The following ASS1 variants were observed in gnomAD, a reference collection of about 807,000 sequenced individuals.
The protein encoded by ASS1 is argininosuccinate synthase 1.
Under a neutral mutation model 60.5 loss-of-function variants are expected in ASS1, and 58 were observed. The ratio of observed to expected loss-of-function variants is 0.96; its 90% CI spans 0.78 to 1.19. The LOEUF (loss-of-function observed/expected upper bound fraction) is 1.19. Among genes scored for constraint, ASS1 ranks in the 50% most tolerant of loss-of-function variants. The probability of loss-of-function intolerance (pLI) is 0.00; values close to 1 mark genes in which losing one functional copy is unlikely to be tolerated. For synonymous variants in ASS1, 200 were observed against 206.9 expected (o/e 0.97, Z 0.29); for missense variants, 454 against 547.3 (o/e 0.83, Z 1.70).
chr9:130,478,987 C>T lies in ASS1; in HGVS notation c.689-729C>T, dbSNP rs758239568. 2.0e-5 allele frequency among the ~76,000 whole-genome samples: 3 copies of T among 152,146 alleles called. No homozygotes were observed. Among genetic ancestry groups the T allele is most frequent in the Non-Finnish European group, 4.4e-5 (3 of 68,026 alleles). ...GGGATTAGCCGCCAACTTTGAACAGCTTTTCTTTGTCACTGTTTCAGCTCT... is the reference window on the plus strand; with the variant it reads ...GGGATTAGCCGCCAACTTTGAACAGTTTTTCTTTGTCACTGTTTCAGCTCT... On this transcript the variant is annotated intron_variant, in intron 9 of 14. Coordinates refer to ENST00000352480, the MANE Select transcript of ASS1 (RefSeq NM_054012.4). This position sits in a 1 kb window ranked among gnomAD's most constrained non-coding sequence, Gnocchi z 4.7.
rs1846403028 is a variant in ASS1, at chr9:130,489,766, C to G, written c.970+302C>G. ...TACAGTTTGCATGACTGCAGCAATG[C>G]CAGGCACTGGGCACTGTGCGGCGAC... On this transcript the variant is annotated intron_variant, in intron 12 of 14. Transcript: ENST00000352480. This position sits in a 1 kb window ranked among gnomAD's most constrained non-coding sequence, Gnocchi z 4.1. Among the ~76,000 whole-genome samples, 1 of 152,222 alleles carries G rather than the reference C, an allele frequency of 6.6e-6. No homozygotes were observed. Among genetic ancestry groups the G allele is most frequent in the Admixed American group, 6.5e-5 (1 of 15,284 alleles).
rs1164096132 is a variant in ASS1 at position 130,489,556 on chromosome 9, T to A, written c.970+92T>A. On this transcript the variant is annotated intron_variant, in intron 12 of 14. Transcript: ENST00000352480. The surrounding 1 kb of genome is among the most constrained non-coding windows in gnomAD (Gnocchi z 4.1). ...CTCGGGCCTGGCCCTCCCCTCCGTA[T>A]CAGCACCTTCCTCCCCTGCCGCCCA... 6 of 1,589,832 alleles carry A rather than the reference T, an allele frequency of 3.8e-6. No homozygotes were observed. The highest frequency in any genetic ancestry group is 5.2e-6 in the Non-Finnish European group (6 of 1,162,392).
At chr9:130,469,290 A>C (rs951500079) in intron 6 of ASS1, among the ~76,000 whole-genome samples, 26 of 151,918 alleles carry the variant, frequency 1.7e-4, no homozygotes, top group African/African-American at 5.8e-4. Context: ...TCTAGAGTAG[A>C]TCGTGGGCTG....
At chr9:130,467,065 TCA>T in intron 6 of ASS1, among the ~76,000 whole-genome samples, 1 of 152,104 alleles carries the variant, frequency 6.6e-6, no homozygotes, top group East Asian at 1.9e-4. Flanking sequence ...GACACAGGGC[TCA>T]CTCTCTCTCC....
At chr9:130,458,210 C>T (rs1260349064) in intron 3 of ASS1, among the ~76,000 whole-genome samples, 191 bp from the exon 4 acceptor site, 1 of 151,306 alleles carries the variant, frequency 6.6e-6, no homozygotes, top group African/African-American at 2.4e-5. Context: ...GCCATGAGTG[C>T]AGGAGGGAGA....
chr9:130,448,527 G>A (rs1469269640), intron 1 of ASS1, among the ~76,000 whole-genome samples: 2 of 152,060 alleles, frequency 1.3e-5, no homozygotes, highest in African/African-American at 4.8e-5. Flanking sequence ...GCCCACACCT[G>A]CCCAGCTACA....
In ASS1 at chr9:130,489,424, A is replaced by G. The variant is rs200219927; in HGVS notation, c.930A>G (p.Lys310=). 57 of 1,614,046 alleles carry G rather than the reference A, an allele frequency of 3.5e-5. No homozygotes were observed. The highest frequency in any genetic ancestry group is 4.2e-5 in the Non-Finnish European group (49 of 1,180,014). The change falls in exon 12 of 15, where the codon AAA becomes AAG. Residue 310 remains lysine (K), a synonymous_variant. Coordinates refer to ENST00000352480, the MANE Select transcript of ASS1 (RefSeq NM_054012.4). This position sits in a 1 kb window ranked among gnomAD's most constrained non-coding sequence, Gnocchi z 4.1. ...FTMDREVRKI[K]QGLGLKFAEL... ...TGGACCGGGAAGTGCGCAAAATCAA[A>G]CAAGGCCTGGGCTTGAAATTTGCTG... is the stretch of plus-strand genomic sequence containing the variant.
At position 130,476,228 on chromosome 9, in the gene ASS1, C is replaced by T. The variant is rs2118829663; in HGVS notation, c.598-643C>T. ...AGCCACGGCCTGGGGGAGCTGGGGC[C>T]TCCGAAGGTGGGAGGGAATTTCGAG... On this transcript the variant is annotated intron_variant, in intron 8 of 14. Transcript: ENST00000352480. This position sits in a 1 kb window ranked among gnomAD's most constrained non-coding sequence, Gnocchi z 4.9. 6.5e-6 allele frequency: 1 copy of T among 154,190 alleles called. No individual in the cohort carries two copies. The highest frequency in any genetic ancestry group is 2.0e-4 in the South Asian group (1 of 4,922). The allele number at this position is 154,190 out of a possible 1,614,324, so 9.6% of individuals were successfully genotyped here.
At chr9:130,499,097 C>A (rs966885306) in intron 13 of ASS1, among the ~76,000 whole-genome samples, 8 of 152,208 alleles carry the variant, frequency 5.3e-5, no homozygotes, top group African/African-American at 1.9e-4. Context: ...ATTCACACCC[C>A]AAGGCCTCCT....
chr9:130,455,017 T>TCATC lies in ASS1; in HGVS notation c.174+657_174+660dup, dbSNP rs1191656054. Among the ~76,000 whole-genome samples, 164 of 129,100 alleles carry TCATC rather than the reference T, an allele frequency of 1.3e-3. 1 individual carries two copies. The highest frequency in any genetic ancestry group is 2.5e-4 in the Non-Finnish European group (15 of 60,798). 84.7% of individuals were successfully genotyped at this position (129,100 alleles called of 152,430 possible). On this transcript the variant is annotated intron_variant, in intron 3 of 14. Coordinates refer to ENST00000352480, the MANE Select transcript of ASS1 (RefSeq NM_054012.4). ...CATCATCCATCCATCCATTCACCCA[T>TCATC]CATCCATCCATCCATCATCCATCCA... is the stretch of plus-strand genomic sequence containing the variant.
chr9:130,461,394 G>C (rs1845590137), intron 4 of ASS1, among the ~76,000 whole-genome samples: 1 of 152,142 alleles, frequency 6.6e-6, no homozygotes, highest in Admixed American at 6.5e-5. Flanking sequence ...CGACAAAGGC[G>C]GGAGGAGGTG....
Position 130,476,997 on chromosome 9 carries a change from A to T in ASS1, c.688+36A>T, listed in dbSNP as rs1036591318. On this transcript the variant is annotated intron_variant, in intron 9 of 14. Transcript: ENST00000352480. The surrounding 1 kb of genome is among the most constrained non-coding windows in gnomAD (Gnocchi z 4.9). The stretch of plus-strand genomic sequence containing the variant: ...ACCTGTTGGGACTCGAAGGGGGTTG[A>T]CTTTTGGGGCCCTGGCTCCTTTCCC... 6.3e-7 allele frequency: 1 copy of T among 1,592,250 alleles called. No homozygotes were observed. The highest frequency in any genetic ancestry group is 1.3e-5 in the African/African-American group (1 of 74,342).
At position 130,474,508 on chromosome 9, in the gene ASS1, C is replaced by T. The variant is rs796798629; in HGVS notation, c.598-2363C>T. ...GAGCTGGGCTTGGGTGGGAGTGGGG[C>T]CCTCGTACCGGCACCCTGGTTGGAG... On this transcript the variant is annotated intron_variant, in intron 8 of 14. Transcript: ENST00000352480. Among the ~76,000 whole-genome samples the T allele has an allele frequency of 3.3e-5, 5 of 152,272 alleles. No homozygotes were observed. In the South Asian group the frequency reaches 1.0e-3, roughly 32 times the overall value.
chr9:130,469,650 G>A (rs955785330), intron 6 of ASS1, among the ~76,000 whole-genome samples: 4 of 152,178 alleles, frequency 2.6e-5, no homozygotes, highest in Non-Finnish European at 4.4e-5. Flanking sequence ...GACCTCAAGT[G>A]AGCCACTGCA....
Position 130,445,013 on chromosome 9 carries a change from C to G in ASS1, c.-6+18C>G, listed in dbSNP as rs1845161747. 6.3e-6 allele frequency: 2 copies of G among 318,770 alleles called. No individual in the cohort carries two copies. 19.7% of individuals were successfully genotyped at this position (318,770 alleles called of 1,614,324 possible). On this transcript the variant is annotated intron_variant, in intron 1 of 14. Transcript: ENST00000352480. ...CGAGCCCGGTAAGGAGCCCTCGGCC[C>G]CTCTCGCTGCCCACTCCCTAGCCGA... is the stretch of plus-strand genomic sequence containing the variant.
rs1171322325 is a variant in ASS1 at position 130,478,486 on chromosome 9, T to C, written c.689-1230T>C. ...AAGAAACGTGACCTATTGTCATGAT[T>C]TGGGGACTGTCTGGAAGAAGAAAAA... On this transcript the variant is annotated intron_variant, in intron 9 of 14. Transcript: ENST00000352480. The surrounding 1 kb of genome is among the most constrained non-coding windows in gnomAD (Gnocchi z 4.7). 1.3e-5 allele frequency among the ~76,000 whole-genome samples: 2 copies of C among 152,180 alleles called. No individual in the cohort carries two copies. The highest frequency in any genetic ancestry group is 4.8e-5 in the African/African-American group (2 of 41,456).
intron 6 of ASS1, among the ~76,000 whole-genome samples, chr9:130,468,718 C>A (rs1322668298): frequency 6.6e-6 from 1 of 152,172 alleles, no homozygotes; most frequent in East Asian, 1.9e-4. Context: ...CAGGTGTGAG[C>A]CACCACACCC....
Position 130,501,156 on chromosome 9 carries a change from T to G in ASS1, c.*135T>G, listed in dbSNP as rs10121464. 9 of 1,010,196 alleles carry G rather than the reference T, an allele frequency of 8.9e-6. No individual in the cohort carries two copies. The East Asian group carries it at 2.2e-4, about 24-fold the overall frequency. 62.6% of individuals were successfully genotyped at this position (1,010,196 alleles called of 1,614,324 possible). A position where few individuals can be genotyped will look rare whatever the true frequency, so the allele number is the denominator to read the frequency against. On this transcript the variant is annotated 3_prime_UTR_variant, in exon 15 of 15. Transcript: ENST00000352480. ...CGTAGTGGGGCTGCCAGGCCCCAGC[T>G]TTGTTCCCTGGTCCCCCTGAAGCCT...
chr9:130,485,959 C>T (rs774591688), intron 11 of ASS1, among the ~76,000 whole-genome samples: 16 of 152,154 alleles, frequency 1.1e-4, no homozygotes, highest in Admixed American at 3.3e-4. Context: ...TTTTTTGGCA[C>T]TGTCATGTTT....
Sources: gnomAD v4.1 joint callset for allele counts (sites outside exome capture counted in the v4.1 genomes callset) on GRCh38, gnomAD v4.1.1 for gene constraint, Gnocchi (gnomAD v3.1) non-coding constraint, MANE v1.5 for transcripts, NCBI Gene and HGNC (gene_info 2026-07-23, HGNC 2026-07-21) for gene names.